Variants in SLC24A2 observed in about 807,000 individuals in gnomAD.
The protein encoded by SLC24A2 is sodium/potassium/calcium exchanger 2.
In SLC24A2, 36 loss-of-function variants were observed where a neutral mutation model predicts 62.0. That is an observed-to-expected ratio of 0.58 (90% CI 0.44 to 0.77). SLC24A2 has a LOEUF of 0.77. SLC24A2 is among the 30% of genes least tolerant of loss of function. The pLI, the probability that SLC24A2 is intolerant of heterozygous loss-of-function variation, is 0.00. For missense variants in SLC24A2, 846 were observed against 817.9 expected (o/e 1.03, Z -0.42); for synonymous variants, 358 against 294.0 (o/e 1.22, Z -2.23).
the SLC24A2 span, among the ~76,000 whole-genome samples, chr9:19,971,106 T>C: frequency 4.6e-5 from 7 of 152,168 alleles, no homozygotes; most frequent in Non-Finnish European, 1.0e-4. Flanking sequence ...TCCTCTACCA[T>C]AGCCATAAGC....
upstream of SLC24A2, among the ~76,000 whole-genome samples, chr9:19,791,182 G>A (rs561346116): frequency 5.3e-5 from 8 of 152,318 alleles, no homozygotes; most frequent in Non-Finnish European, 8.8e-5. Context: ...CTTTCTTAAT[G>A]TATGGCTTTA....
intron 2 of SLC24A2, among the ~76,000 whole-genome samples, chr9:19,743,260 G>C (rs1169700324): frequency 6.6e-6 from 1 of 152,170 alleles, no homozygotes; most frequent in Non-Finnish European, 1.5e-5. Flanking sequence ...CATAGGGTTA[G>C]TCAGTTTATC....
the SLC24A2 span, among the ~76,000 whole-genome samples, chr9:19,901,691 A>G: frequency 6.6e-6 from 1 of 152,192 alleles, no homozygotes; most frequent in South Asian, 2.1e-4. Context: ...TAGGCCCTAG[A>G]TGTCAAAGGC....
At chr9:20,274,893 G>A in the SLC24A2 span, among the ~76,000 whole-genome samples, 2 of 152,070 alleles carry the variant, frequency 1.3e-5, no homozygotes, top group Non-Finnish European at 2.9e-5. Context: ...CAGTCACTGT[G>A]CCTCTCCCAG....
chr9:19,810,965 C>A, the SLC24A2 span, among the ~76,000 whole-genome samples: 1 of 144,130 alleles, frequency 6.9e-6, no homozygotes, highest in Non-Finnish European at 1.5e-5. Context: ...AATTCTTCTT[C>A]TTATTCTCTC....
chr9:20,087,777 C>G, the SLC24A2 span, among the ~76,000 whole-genome samples: 1 of 152,174 alleles, frequency 6.6e-6, no homozygotes, highest in Non-Finnish European at 1.5e-5. Context: ...ACACCTTCAG[C>G]TGAAACATCC....
At chr9:19,576,589 C>A (rs543130931) in intron 6 of SLC24A2, among the ~76,000 whole-genome samples, 5 of 152,154 alleles carry the variant, frequency 3.3e-5, no homozygotes, top group Non-Finnish European at 5.9e-5. Flanking sequence ...TGCGTGTATG[C>A]GTGTGCATGT....
chr9:19,898,103 G>C, the SLC24A2 span, among the ~76,000 whole-genome samples: 1 of 152,184 alleles, frequency 6.6e-6, no homozygotes. Context: ...ATAATCCGTA[G>C]CCACTTTCCC....
chr9:19,623,184 C>T (rs2117921865), intron 2 of SLC24A2, among the ~76,000 whole-genome samples: 1 of 152,308 alleles, frequency 6.6e-6, no homozygotes, highest in East Asian at 1.9e-4. Flanking sequence ...TGGGATCTTT[C>T]CAACGAGATA....
intron 7 of SLC24A2, among the ~76,000 whole-genome samples, chr9:19,555,908 G>A (rs1352208489): frequency 2.0e-5 from 3 of 152,156 alleles, no homozygotes; most frequent in Non-Finnish European, 4.4e-5. Context: ...TCTTGCCACT[G>A]CACTCTAGCC....
At chr9:20,242,795 C>T in the SLC24A2 span, among the ~76,000 whole-genome samples, 1 of 152,158 alleles carries the variant, frequency 6.6e-6, no homozygotes. Context: ...TTTGCTAAAA[C>T]CTTATTTCTT....
At chr9:19,814,863 C>T in the SLC24A2 span, among the ~76,000 whole-genome samples, 4 of 152,058 alleles carry the variant, frequency 2.6e-5, no homozygotes, top group Non-Finnish European at 5.9e-5. Context: ...CAGTTTCTAA[C>T]AGAAAGGTAA....
chr9:20,059,519 A>G, the SLC24A2 span, among the ~76,000 whole-genome samples: 1 of 152,164 alleles, frequency 6.6e-6, no homozygotes, highest in Non-Finnish European at 1.5e-5. Context: ...AAATCCACAA[A>G]TATGTAGAAA....
At chr9:20,016,963 A>G in the SLC24A2 span, among the ~76,000 whole-genome samples, 3 of 152,250 alleles carry the variant, frequency 2.0e-5, no homozygotes, top group Non-Finnish European at 2.9e-5. Flanking sequence ...AAAAGATCAC[A>G]TAAGTTTTAA....
intron 7 of SLC24A2, among the ~76,000 whole-genome samples, chr9:19,567,063 T>G (rs971358292): frequency 2.0e-5 from 3 of 151,182 alleles, no homozygotes; most frequent in Admixed American, 2.0e-4. Context: ...ACATATGTAA[T>G]AAACCTGCAC....
At chr9:19,984,390 T>C in the SLC24A2 span, among the ~76,000 whole-genome samples, 1 of 151,882 alleles carries the variant, frequency 6.6e-6, no homozygotes, top group Non-Finnish European at 1.5e-5. Flanking sequence ...CACAGACTAG[T>C]GAAATAGAAT....
At chr9:19,774,973 TAA>T (rs1822802636) in intron 2 of SLC24A2, among the ~76,000 whole-genome samples, 1 of 152,220 alleles carries the variant, frequency 6.6e-6, no homozygotes, top group Non-Finnish European at 1.5e-5. Context: ...ATCTTGGAGA[TAA>T]ACTAGTCCTT....
chr9:19,892,240 T>C, the SLC24A2 span, among the ~76,000 whole-genome samples: 1 of 152,172 alleles, frequency 6.6e-6, no homozygotes, highest in African/African-American at 2.4e-5. Context: ...TCAGTTACCT[T>C]CCCTGACCAT....
At chr9:20,163,662 C>G in the SLC24A2 span, among the ~76,000 whole-genome samples, 1 of 152,064 alleles carries the variant, frequency 6.6e-6, no homozygotes, top group African/African-American at 2.4e-5. Context: ...ACAAAAGAGC[C>G]CGCATCACCA....
Sources: allele counts gnomAD v4.1 joint callset (sites outside exome capture counted in the v4.1 genomes callset), GRCh38; gene constraint gnomAD v4.1.1; transcripts MANE v1.5; gene names NCBI Gene and HGNC (gene_info 2026-07-23, HGNC 2026-07-21).